The following PFKFB4 variants were observed in gnomAD, a reference collection of about 807,000 sequenced individuals.
PFKFB4 encodes the protein 6-phosphofructo-2-kinase/fructose-2,6-bisphosphatase 4.
PFKFB4 carries 42 observed loss-of-function variants against 62.8 expected under a neutral mutation model. That is an observed-to-expected ratio of 0.67 (90% confidence interval 0.52 to 0.86). The LOEUF is 0.86. Among genes scored for constraint, PFKFB4 ranks in the 40% least tolerant of loss-of-function variants. The probability of loss-of-function intolerance (pLI) is 0.00; values close to 1 mark genes in which losing one functional copy is unlikely to be tolerated. For missense variants in PFKFB4, 475 were observed against 627.2 expected (o/e 0.76, Z 2.59); for synonymous variants, 204 against 240.7 (o/e 0.85, Z 1.41).
At chr3:48,523,409 G>A (rs2042156982) in intron 12 of PFKFB4, 128 bp downstream of exon 12, 8 of 881,980 alleles carry the variant, frequency 9.1e-6, no homozygotes, top group Non-Finnish European at 1.3e-5. Context: ...ATTGGGAAAG[G>A]TGGTGGGGTA....
rs145557054 is a variant in PFKFB4, at chr3:48,529,885, C to T, written c.988-4216G>A. The stretch of plus-strand genomic sequence containing the variant: ...GGGAAGATGGCTTGAGTCCAGGAGG[C>T]GGAGGTTGCAGTGAGCTGAGATGGT... On this transcript the variant is annotated intron_variant, in intron 9 of 13. Transcript: ENST00000232375. 3.1e-3 allele frequency among the ~76,000 whole-genome samples: 478 copies of T among 151,928 alleles called. 1 individual carries two copies. The highest frequency in any genetic ancestry group is 5.1e-3 in the Non-Finnish European group (348 of 67,968).
rs113226634 is a variant in PFKFB4, at chr3:48,531,993, G to A, written c.987+3519C>T. Reference sequence around the variant, plus strand: ...AATGATGCAGCTGCTATGGGAAACAGTACAGCAGTTCCTCAAAAAAATAAA... The same window carrying A: ...AATGATGCAGCTGCTATGGGAAACAATACAGCAGTTCCTCAAAAAAATAAA... On this transcript the variant is annotated intron_variant, in intron 9 of 13. Transcript: ENST00000232375. Among the ~76,000 whole-genome samples, 9 of 152,284 alleles carry A rather than the reference G, an allele frequency of 5.9e-5. 1 individual carries two copies. The highest frequency in any genetic ancestry group is 1.9e-4 in the African/African-American group (8 of 41,568).
intron 9 of PFKFB4, among the ~76,000 whole-genome samples, chr3:48,531,870 G>A (rs2042438439): frequency 6.6e-6 from 1 of 152,108 alleles, no homozygotes; most frequent in African/African-American, 2.4e-5. Context: ...CACCCATTAG[G>A]ATGGCTACTA....
At position 48,543,885 on chromosome 3, in the gene PFKFB4, G is replaced by A. The variant is rs117288515; in HGVS notation, c.312-239C>T. ...ATTAGGAACATTTTTTAAGCACTAC[G>A]TTTCTGTATTTTCCCTCATCCTCTC... On this transcript the variant is annotated intron_variant, in intron 3 of 13. Coordinates refer to ENST00000232375, the MANE Select transcript of PFKFB4 (RefSeq NM_004567.4). Among the ~76,000 whole-genome samples the A allele has an allele frequency of 5.2e-4, 79 of 152,118 alleles. No individual in the cohort carries two copies. In the East Asian group the frequency reaches 0.014, roughly 26 times the overall value.
At position 48,555,118 on chromosome 3, in the gene PFKFB4, C is replaced by G. The variant is rs563058031; in HGVS notation, c.97+1563G>C. ...CCCTATGTAGTAATAGCAGCCACCC[C>G]CCTAAGTCAGGACCACACAGCCCTA... is the stretch of plus-strand genomic sequence containing the variant. On this transcript the variant is annotated intron_variant, in intron 1 of 13. Transcript: ENST00000232375. Among the ~76,000 whole-genome samples, 5 of 152,148 alleles carry G rather than the reference C, an allele frequency of 3.3e-5. No individual in the cohort carries two copies. The South Asian group carries it at 1.0e-3, about 32-fold the overall frequency.
chr3:48,523,918 T>C, intron 10 of PFKFB4, 88 bp from the exon 11 acceptor site: 1 of 1,380,922 alleles, frequency 7.2e-7, no homozygotes. Context: ...CTTCCACTCC[T>C]GCAGCTACTC....
chr3:48,532,958 G>A (rs1275038385), intron 9 of PFKFB4, among the ~76,000 whole-genome samples: 3 of 152,236 alleles, frequency 2.0e-5, no homozygotes, highest in Non-Finnish European at 4.4e-5. Context: ...TCACTTATAT[G>A]AGGTATATAA....
chr3:48,563,010 T>C, upstream of PFKFB4: 1 of 1,602,634 alleles, frequency 6.2e-7, no homozygotes, highest in Non-Finnish European at 8.5e-7. This position sits in a 1 kb window ranked among gnomAD's most constrained non-coding sequence, Gnocchi z 4.5. Context: ...GGTCGGGGAG[T>C]GGTCTGGGGA....
At chr3:48,546,670 T>C (rs1463029286) in intron 3 of PFKFB4, among the ~76,000 whole-genome samples, 3 of 152,240 alleles carry the variant, frequency 2.0e-5, no homozygotes, top group African/African-American at 7.2e-5. Context: ...CAGTTCCCTC[T>C]AGTGATATGA....
chr3:48,560,869 C>G (rs917353143), upstream of PFKFB4, among the ~76,000 whole-genome samples: 2 of 151,884 alleles, frequency 1.3e-5, no homozygotes, highest in African/African-American at 4.8e-5. Flanking sequence ...CTTGGCCCAG[C>G]CCCCTCTCCC....
At chr3:48,553,675 A>T (rs1389486123) in intron 1 of PFKFB4, among the ~76,000 whole-genome samples, 1 of 152,182 alleles carries the variant, frequency 6.6e-6, no homozygotes, top group Non-Finnish European at 1.5e-5. Flanking sequence ...CTACCCAAGG[A>T]GCAGCCACAA....
rs1411805334 is a variant in PFKFB4, at chr3:48,539,733, C to T, written c.417G>A (p.Ala139=). ...TCTGTTCTCCAAAATTAAAGATGGTCGCTCTCCGTTCTCGGGTGGTGTTTG... is the reference window on the plus strand; with the variant it reads ...TCTGTTCTCCAAAATTAAAGATGGTTGCTCTCCGTTCTCGGGTGGTGTTTG... ...DATNTTRERR[A]TIFNFGEQNG... is the part of the protein sequence containing the mutation. The change falls in exon 5 of 14, where the codon GCG becomes GCA. Residue 139 remains alanine, a synonymous_variant. Coordinates refer to ENST00000232375, the MANE Select transcript of PFKFB4 (RefSeq NM_004567.4). 10 of 1,614,000 alleles carry T rather than the reference C, an allele frequency of 6.2e-6. No individual in the cohort carries two copies. The highest frequency in any genetic ancestry group is 3.3e-5 in the South Asian group (3 of 91,078).
upstream of PFKFB4, among the ~76,000 whole-genome samples, chr3:48,560,595 C>T (rs1340571503): frequency 6.6e-6 from 1 of 152,242 alleles, no homozygotes; most frequent in Admixed American, 6.5e-5. Context: ...ACTGAGTACA[C>T]AGCAGGTGTT....
Position 48,556,797 on chromosome 3 carries a change from G to C in PFKFB4, c.-20C>G. ...CGCCATCCCGGGGCCGGGATGAGTC[G>C]GACTGCGCCGCTTCCAACCCAGCAG... On this transcript the variant is annotated 5_prime_UTR_variant, in exon 1 of 14. Transcript: ENST00000232375. This position sits in a 1 kb window ranked among gnomAD's most constrained non-coding sequence, Gnocchi z 5.7. 6.3e-7 allele frequency: 1 copy of C among 1,593,266 alleles called. No individual in the cohort carries two copies. Among genetic ancestry groups the C allele is most frequent in the Non-Finnish European group, 8.5e-7 (1 of 1,170,968 alleles).
chr3:48,556,638 TC>T lies in PFKFB4; in HGVS notation c.97+42del. Reference sequence around the variant, plus strand: ...CCGCCCAGGCCGCCCTACCCACCCATCCCGGTGCACCTCCCACCTCCTCCCA... The same window carrying T: ...CCGCCCAGGCCGCCCTACCCACCCATCCGGTGCACCTCCCACCTCCTCCCA... On this transcript the variant is annotated intron_variant, in intron 1 of 13. Coordinates refer to ENST00000232375, the MANE Select transcript of PFKFB4 (RefSeq NM_004567.4). This position sits in a 1 kb window ranked among gnomAD's most constrained non-coding sequence, Gnocchi z 5.7. 4 of 678,862 alleles carry T rather than the reference TC, an allele frequency of 5.9e-6. No individual in the cohort carries two copies. Among genetic ancestry groups the T allele is most frequent in the Non-Finnish European group, 1.0e-5 (4 of 396,860 alleles). 42.1% of individuals were successfully genotyped at this position (678,862 alleles called of 1,614,324 possible).
chr3:48,551,604 A>T (rs2043158753), intron 1 of PFKFB4, among the ~76,000 whole-genome samples: 1 of 119,306 alleles, frequency 8.4e-6, no homozygotes, highest in African/African-American at 3.3e-5. Context: ...GCTGGAGGAC[A>T]CTGGTACCCA....
intron 1 of PFKFB4, among the ~76,000 whole-genome samples, chr3:48,554,720 T>C (rs2043258854): frequency 6.6e-6 from 1 of 152,104 alleles, no homozygotes; most frequent in Non-Finnish European, 1.5e-5. Context: ...GATGACAGAA[T>C]ACCCTGCCTC....
At chr3:48,542,345 AAAAG>A (rs2042827791) in intron 4 of PFKFB4, among the ~76,000 whole-genome samples, 1 of 151,940 alleles carries the variant, frequency 6.6e-6, no homozygotes, top group African/African-American at 2.4e-5. Context: ...AAAAAAAAAA[AAAAG>A]AAAGAAAGAA....
chr3:48,562,406 G>T (rs537325658), upstream of PFKFB4: 303 of 250,920 alleles, frequency 1.2e-3, 8 homozygotes, highest in South Asian at 0.03. The surrounding 1 kb of genome is among the most constrained non-coding windows in gnomAD (Gnocchi z 4.3). Context: ...CGGTGTCCAG[G>T]TGTTCTGTGA....
Sources: allele counts gnomAD v4.1 joint callset (sites outside exome capture counted in the v4.1 genomes callset), GRCh38; gene constraint gnomAD v4.1.1; non-coding constraint Gnocchi (gnomAD v3.1); transcripts MANE v1.5; gene names NCBI Gene and HGNC (gene_info 2026-07-23, HGNC 2026-07-21).